The following ME2 variants were observed in gnomAD, a reference collection of about 807,000 sequenced individuals.
The protein encoded by ME2 is NAD-dependent malic enzyme, mitochondrial.
Under a neutral mutation model 73.7 loss-of-function variants are expected in ME2, and 60 were observed. That is an observed-to-expected ratio of 0.81 (90% confidence interval 0.66 to 1.01). The LOEUF (loss-of-function observed/expected upper bound fraction) is 1.01. Among genes scored for constraint, ME2 ranks in the 50% least tolerant of loss-of-function variants. ME2 has a pLI of 0.00. For missense variants in ME2, 594 were observed against 705.5 expected (o/e 0.84, Z 1.79); for synonymous variants, 199 against 236.9 (o/e 0.84, Z 1.47).
In ME2 at chr18:50,909,047, G is replaced by A. The variant is rs377337074; in HGVS notation, c.242+851G>A. Among the ~76,000 whole-genome samples, 86 of 151,130 alleles carry A rather than the reference G, an allele frequency of 5.7e-4. 1 individual carries two copies. The East Asian group carries it at 7.0e-3, about 12-fold the overall frequency. ...CAGCTCACTGCAACCTCTGCCTCCC[G>A]GGCTCAAGCAGTTCTCCTACCTCAG... On this transcript the variant is annotated intron_variant, in intron 3 of 15. Transcript: ENST00000321341.
intron 13 of ME2, among the ~76,000 whole-genome samples, chr18:50,937,571 A>C (rs1213822503): frequency 6.6e-6 from 1 of 152,220 alleles, no homozygotes; most frequent in Non-Finnish European, 1.5e-5. Context: ...AGACAAACAG[A>C]AAAAGACATC....
intron 2 of ME2, among the ~76,000 whole-genome samples, 199 bp downstream of exon 2, chr18:50,896,127 T>C (rs1466981846): frequency 6.6e-6 from 1 of 152,124 alleles, no homozygotes; most frequent in Non-Finnish European, 1.5e-5. Context: ...CCTCATGACT[T>C]TTACCACCAG....
At chr18:50,928,193 C>A (rs564450676) in intron 12 of ME2, among the ~76,000 whole-genome samples, 1 of 150,238 alleles carries the variant, frequency 6.7e-6, no homozygotes, top group East Asian at 2.0e-4. Context: ...TATTATCTAT[C>A]TTTTGTTCTG....
intron 13 of ME2, among the ~76,000 whole-genome samples, chr18:50,936,593 T>C (rs894573221): frequency 4.6e-5 from 7 of 152,314 alleles, no homozygotes; most frequent in African/African-American, 1.2e-4. Flanking sequence ...TAAGCTGTTA[T>C]GTGGGACTTA....
rs139390909 is a variant in ME2 at position 50,894,517 on chromosome 18, G to A, written c.-12-1292G>A. Among the ~76,000 whole-genome samples, 605 of 150,478 alleles carry A rather than the reference G, an allele frequency of 4.0e-3. 10 individuals are homozygous for A. In the East Asian group the frequency reaches 0.064, roughly 16 times the overall value. On this transcript the variant is annotated intron_variant, in intron 1 of 15. Coordinates refer to ENST00000321341, the MANE Select transcript of ME2 (RefSeq NM_002396.5). ...CGGGAGGCAGAGGTTGCAGTGAGCC[G>A]TGATCGCGCCGTTGCACTCCAGCCT...
intron 1 of ME2, among the ~76,000 whole-genome samples, chr18:50,885,560 T>A (rs1916442662): frequency 6.6e-6 from 1 of 152,126 alleles, no homozygotes; most frequent in African/African-American, 2.4e-5. Context: ...TGACAATTTA[T>A]AAAATTTAAA....
chr18:50,941,985 C>G (rs1789226), intron 15 of ME2, among the ~76,000 whole-genome samples: 1 of 151,640 alleles, frequency 6.6e-6, no homozygotes, highest in Admixed American at 6.6e-5. Flanking sequence ...TATTTTCCCA[C>G]TTGTCATTTG....
At chr18:50,909,613 T>A (rs1156833644) in intron 3 of ME2, among the ~76,000 whole-genome samples, 2 of 152,150 alleles carry the variant, frequency 1.3e-5, no homozygotes, top group African/African-American at 4.8e-5. Context: ...TAAGAGTGGT[T>A]TCTTTGATGT....
intron 13 of ME2, chr18:50,932,624 A>C: frequency 3.8e-6 from 1 of 259,958 alleles, no homozygotes; most frequent in East Asian, 8.4e-5. Context: ...GAATGGCACA[A>C]AATTATGTAA....
At position 50,938,302 on chromosome 18, in the gene ME2, T is replaced by G. The variant is rs562277872; in HGVS notation, c.1418-1268T>G. Reference sequence around the variant, plus strand: ...TTGTGCCACTGTACTCCAGCCTGAGTGACAGAGCGAGACCCTGTTGCCAAA... The same window carrying G: ...TTGTGCCACTGTACTCCAGCCTGAGGGACAGAGCGAGACCCTGTTGCCAAA... On this transcript the variant is annotated intron_variant, in intron 13 of 15. Transcript: ENST00000321341. Among the ~76,000 whole-genome samples, 8 of 152,202 alleles carry G rather than the reference T, an allele frequency of 5.3e-5. No homozygotes were observed. The East Asian group carries it at 1.2e-3, about 22-fold the overall frequency.
chr18:50,925,490 A>G (rs891112343), intron 11 of ME2, among the ~76,000 whole-genome samples: 6 of 152,192 alleles, frequency 3.9e-5, no homozygotes, highest in African/African-American at 1.4e-4. Context: ...AAAAACAAAA[A>G]GTTAAAAGAA....
intron 12 of ME2, among the ~76,000 whole-genome samples, chr18:50,928,082 T>C (rs917232277): frequency 6.6e-6 from 1 of 151,544 alleles, no homozygotes. Flanking sequence ...CCTCCCAAAG[T>C]GCTGGGATTA....
intron 1 of ME2, among the ~76,000 whole-genome samples, chr18:50,893,880 T>TAG (rs1226365168): frequency 2.6e-5 from 4 of 152,230 alleles, no homozygotes; most frequent in Non-Finnish European, 5.9e-5. Context: ...TTGGCCTGGC[T>TAG]ACCTGTACAG....
intron 12 of ME2, among the ~76,000 whole-genome samples, chr18:50,929,506 CA>C (rs952051918): frequency 6.9e-6 from 1 of 144,588 alleles, no homozygotes; most frequent in South Asian, 2.2e-4. Context: ...AAAAAACCAA[CA>C]AAAAAACAAC....
At chr18:50,909,001 T>C (rs1325419373) in intron 3 of ME2, among the ~76,000 whole-genome samples, 1 of 148,554 alleles carries the variant, frequency 6.7e-6, no homozygotes, top group Non-Finnish European at 1.5e-5. Context: ...TTGCCCAGGC[T>C]GGAGTGCAGT....
At chr18:50,905,944 T>C (rs918422423) in intron 2 of ME2, among the ~76,000 whole-genome samples, 1 of 152,212 alleles carries the variant, frequency 6.6e-6, no homozygotes, top group Non-Finnish European at 1.5e-5. Context: ...AAGAGTGCCC[T>C]GGCCAAGGAG....
intron 3 of ME2, among the ~76,000 whole-genome samples, chr18:50,910,296 A>C (rs554520602): frequency 1.5e-5 from 2 of 137,714 alleles, no homozygotes; most frequent in East Asian, 4.4e-4. Context: ...AAAAAAAGCC[A>C]GGCATGGTGT....
intron 2 of ME2, among the ~76,000 whole-genome samples, chr18:50,897,298 T>C (rs1036769615): frequency 1.3e-5 from 2 of 152,254 alleles, no homozygotes; most frequent in African/African-American, 4.8e-5. Context: ...TTTTATATTT[T>C]ATACTTATGG....
intron 1 of ME2, among the ~76,000 whole-genome samples, chr18:50,886,415 TG>T (rs1234866598): frequency 1.3e-5 from 2 of 151,944 alleles, no homozygotes; most frequent in African/African-American, 4.8e-5. Flanking sequence ...AGCTAATTTT[TG>T]TATTTTTAGG....
Sources: gnomAD v4.1 joint callset for allele counts (sites outside exome capture counted in the v4.1 genomes callset) on GRCh38, gnomAD v4.1.1 for gene constraint, MANE v1.5 for transcripts, NCBI Gene and HGNC (gene_info 2026-07-23, HGNC 2026-07-21) for gene names.